XRN2: variants seen among roughly 807,000 people sequenced by gnomAD.
XRN2 encodes the protein 5'-3' exoribonuclease 2, also known as DHM1-like protein.
A neutral mutation model predicts 138.5 loss-of-function variants in XRN2; 44 were observed. The ratio of observed to expected loss-of-function variants is 0.32; its 90% CI spans 0.25 to 0.41. XRN2 has a LOEUF of 0.41. Among genes scored for constraint, XRN2 ranks in the 10% least tolerant of loss-of-function variants. The pLI is 1.00. For missense variants in XRN2, 937 were observed against 1,169.3 expected (o/e 0.80, Z 2.90); for synonymous variants, 354 against 369.4 (o/e 0.96, Z 0.48).
rs576441528 is a variant in XRN2, at chr20:21,333,754, T to C, written c.984T>C (p.Val328=). 5.5e-5 allele frequency: 88 copies of C among 1,614,010 alleles called. No individual in the cohort carries two copies. In the South Asian group the frequency reaches 9.2e-4, roughly 17 times the overall value. Residue 328 remains valine (V), a synonymous_variant, in exon 11 of 30, where the codon GTT becomes GTC. Transcript: ENST00000377191. ...CCAGCCTACCATTCACATTTGATGT[T>C]GAGAGGAGCATTGATGACTGGGTTT... ...TMASLPFTFD[V]ERSIDDWVFM... is the part of the protein sequence containing the mutation.
chr20:21,382,017 C>T lies in XRN2; in HGVS notation c.2608C>T (p.Arg870Ter), dbSNP rs756100274. 2 of 1,607,204 alleles carry T rather than the reference C, an allele frequency of 1.2e-6. No individual in the cohort carries two copies. The highest frequency in any genetic ancestry group is 1.7e-6 in the Non-Finnish European group (2 of 1,176,032). The change falls in exon 28 of 30, where the codon CGA (arginine) becomes TGA (stop). Residue 870 changes from arginine (R) to a stop codon, truncating the protein, a stop_gained. Transcript: ENST00000377191. LOFTEE classifies it high-confidence loss of function. ...MSNMRPQDSW[R>*]GPPPLFQQQR... The stretch of plus-strand genomic sequence containing the variant: ...AGATATGAGGCCCCAGGATTCCTGG[C>T]GAGGTCCTCCTCCCCTTTTCCAGCA...
chr20:21,355,786 C>T (rs548553415), intron 21 of XRN2, among the ~76,000 whole-genome samples: 3 of 152,102 alleles, frequency 2.0e-5, no homozygotes, highest in Admixed American at 2.0e-4. Flanking sequence ...AATATGTGAT[C>T]AAAATAGGGT....
chr20:21,376,782 G>A (rs1485547796), intron 27 of XRN2, among the ~76,000 whole-genome samples: 10 of 152,216 alleles, frequency 6.6e-5, no homozygotes, highest in Admixed American at 6.5e-4. Flanking sequence ...CTTTCACAGA[G>A]TTTGGAAACC....
At chr20:21,321,880 G>C (rs2038051055) in intron 1 of XRN2, among the ~76,000 whole-genome samples, 1 of 152,190 alleles carries the variant, frequency 6.6e-6, no homozygotes, top group Admixed American at 6.5e-5. Context: ...TTTAGCAAAT[G>C]ATGATCAATG....
At chr20:21,305,018 G>T (rs1252888202) in intron 1 of XRN2, among the ~76,000 whole-genome samples, 1 of 152,088 alleles carries the variant, frequency 6.6e-6, no homozygotes, top group Non-Finnish European at 1.5e-5. Context: ...TTTCCCTGGG[G>T]CTGTCTTTCT....
chr20:21,386,068 G>GT (rs1283246357), intron 28 of XRN2, among the ~76,000 whole-genome samples: 1 of 152,212 alleles, frequency 6.6e-6, no homozygotes, highest in Non-Finnish European at 1.5e-5. Context: ...TTATGTGACA[G>GT]TTTTTAATTA....
Position 21,331,770 on chromosome 20 carries a change from C to G in XRN2, c.652C>G (p.Gln218Glu). The part of the protein sequence containing the change: ...IMDYIRRQRA[Q>E]PNHDPNTHHC... ...ATACATGTTTCTCTCTTGTTTAGCC[C>G]AGCCTAACCATGACCCAAATACTCA... is the stretch of plus-strand genomic sequence containing the variant. Residue 218 changes from glutamine to glutamate, a missense_variant and splice_region_variant, in exon 8 of 30, where the codon CAG becomes GAG. Around this residue, in one of 6 missense-constraint regions of XRN2, gnomAD observed 471 missense variants for 581.2 expected, o/e 0.81. Coordinates refer to ENST00000377191, the MANE Select transcript of XRN2 (RefSeq NM_012255.5). The G allele has an allele frequency of 6.2e-7, 1 of 1,607,272 alleles. No homozygotes were observed. The highest frequency in any genetic ancestry group is 8.5e-7 in the Non-Finnish European group (1 of 1,178,330).
At chr20:21,388,375 G>A (rs1421901095) in intron 29 of XRN2, among the ~76,000 whole-genome samples, 9 of 152,246 alleles carry the variant, frequency 5.9e-5, no homozygotes, top group African/African-American at 1.9e-4. Context: ...ATTCTTTTAG[G>A]ACTTTTTGAA....
chr20:21,310,073 A>G (rs867194546), intron 1 of XRN2, among the ~76,000 whole-genome samples: 1 of 152,226 alleles, frequency 6.6e-6, no homozygotes, highest in Non-Finnish European at 1.5e-5. Context: ...CCTCTCTGAT[A>G]TAGATCTTGA....
At chr20:21,314,090 G>C (rs371658773) in intron 1 of XRN2, among the ~76,000 whole-genome samples, 1 of 152,152 alleles carries the variant, frequency 6.6e-6, no homozygotes, top group Non-Finnish European at 1.5e-5. Flanking sequence ...TCTAACTGCT[G>C]TCTCCTTTTC....
chr20:21,341,552 C>T (rs2038372291), intron 15 of XRN2, among the ~76,000 whole-genome samples: 1 of 152,162 alleles, frequency 6.6e-6, no homozygotes, highest in Non-Finnish European at 1.5e-5. Flanking sequence ...CACCACCTTC[C>T]TATTGTAGTG....
intron 1 of XRN2, among the ~76,000 whole-genome samples, chr20:21,305,128 A>G (rs1212851683): frequency 6.6e-6 from 1 of 151,844 alleles, no homozygotes; most frequent in Non-Finnish European, 1.5e-5. Context: ...GGTCTTATTT[A>G]TTTTTGTTGC....
intron 1 of XRN2, chr20:21,303,711 C>A (rs773874400): frequency 2.7e-5 from 34 of 1,251,740 alleles, no homozygotes; most frequent in Non-Finnish European, 3.4e-5. Flanking sequence ...GTTCCGAACT[C>A]GCAGGAGGGT....
At chr20:21,336,184 G>A (rs1370536713) in intron 13 of XRN2, among the ~76,000 whole-genome samples, 1 of 152,234 alleles carries the variant, frequency 6.6e-6, no homozygotes, top group Non-Finnish European at 1.5e-5. Context: ...TATTGGCTAA[G>A]CGTGGTGGCT....
intron 1 of XRN2, among the ~76,000 whole-genome samples, chr20:21,312,604 T>A (rs1264681480): frequency 1.9e-3 from 3 of 1,606 alleles, no homozygotes; most frequent in African/African-American, 2.8e-3. Context: ...ACCCCAAGAT[T>A]TTTTTTTTTT....
intron 20 of XRN2, 143 bp downstream of exon 20, chr20:21,349,604 G>A (rs757409996): frequency 1.6e-5 from 11 of 686,938 alleles, no homozygotes; most frequent in Middle Eastern, 4.4e-4. Flanking sequence ...TTAGCCTGGC[G>A]TGGTGGCTTG....
chr20:21,359,002 C>G (rs1401771930), intron 24 of XRN2, among the ~76,000 whole-genome samples: 1 of 152,184 alleles, frequency 6.6e-6, no homozygotes, highest in African/African-American at 2.4e-5. Context: ...CACATGTTTG[C>G]TTGTGCTTCT....
At chr20:21,360,457 G>GTT (rs144908830) in intron 24 of XRN2, among the ~76,000 whole-genome samples, 247 of 137,962 alleles carry the variant, frequency 1.8e-3, no homozygotes, top group African/African-American at 6.1e-3. Context: ...TTGTTAGGTT[G>GTT]TTTTTTTTTT....
chr20:21,370,069 C>T (rs946052411), intron 27 of XRN2, among the ~76,000 whole-genome samples: 2 of 152,168 alleles, frequency 1.3e-5, no homozygotes. Flanking sequence ...TATTCTTCTG[C>T]ATATGGATAT....
Sources: gnomAD v4.1 joint callset for allele counts (sites outside exome capture counted in the v4.1 genomes callset) on GRCh38, gnomAD v4.1.1 for gene constraint, gnomAD v4.1.1 regional missense constraint, MANE v1.5 for transcripts, NCBI Gene and HGNC (gene_info 2026-07-23, HGNC 2026-07-21) for gene names.